IL13RA1: variants seen among roughly 807,000 people sequenced by gnomAD.
IL13RA1 encodes the protein interleukin 13 receptor subunit alpha 1.
Under a neutral mutation model 33.8 loss-of-function variants are expected in IL13RA1, and 14 were observed. The observed-to-expected ratio is 0.41, with a 90% CI of 0.27 to 0.65. The LOEUF is 0.65. IL13RA1 is among the 30% of genes least tolerant of loss of function. IL13RA1 has a pLI of 0.28. For synonymous variants in IL13RA1, 116 were observed against 115.7 expected (o/e 1.00, Z -0.02); for missense variants, 313 against 327.0 (o/e 0.96, Z 0.33).
At chrX:118,747,417 C>T (rs1470206085) in intron 3 of IL13RA1, among the ~76,000 whole-genome samples, 1 of 109,984 alleles carries the variant, frequency 9.1e-6, no homozygotes, top group Non-Finnish European at 1.9e-5. Context: ...GAGTCACAAG[C>T]TTATCTTGTG....
chrX:118,767,198 CT>C (rs1362728484), intron 8 of IL13RA1, among the ~76,000 whole-genome samples: 1 of 111,707 alleles, frequency 9.0e-6, no homozygotes, highest in African/African-American at 3.3e-5. Context: ...GTTTTATGTT[CT>C]TTTCTATCTC....
At chrX:118,749,912 T>A (rs1319717778) in intron 4 of IL13RA1, 134 bp downstream of exon 4, 3 of 437,448 alleles carry the variant, frequency 6.9e-6, no homozygotes, top group Non-Finnish European at 1.2e-5. Context: ...TTTGCTTCAA[T>A]GAAAAATGCA....
intron 10 of IL13RA1, among the ~76,000 whole-genome samples, chrX:118,788,003 G>A (rs913605642): frequency 4.5e-5 from 5 of 111,936 alleles, no homozygotes; most frequent in Non-Finnish European, 7.5e-5. Context: ...GTAAAGATAG[G>A]CATAGGAAGT....
intron 1 of IL13RA1, 100 bp from the exon 2 acceptor site, chrX:118,740,917 T>G: frequency 3.3e-6 from 2 of 604,129 alleles, no homozygotes; most frequent in Non-Finnish European, 5.6e-6. Flanking sequence ...TGTTGTTAAC[T>G]CAGTTATTAC....
At position 118,727,634 on chromosome X, in the gene IL13RA1, G is replaced by T. The variant is rs1279747605; in HGVS notation, c.-5G>T. The stretch of plus-strand genomic sequence containing the variant: ...GCCCGGCCGGGCTCCGAGGCGAGAG[G>T]CTGCATGGAGTGGCCGGCGCGGCTC... On this transcript the variant is annotated 5_prime_UTR_variant, in exon 1 of 11. Transcript: ENST00000371666. 34 of 921,305 alleles carry T rather than the reference G, an allele frequency of 3.7e-5. No homozygotes were observed. The highest frequency in any genetic ancestry group is 4.4e-5 in the Non-Finnish European group (33 of 742,088). 75.9% of individuals were successfully genotyped at this position (921,305 alleles called of 1,213,427 possible).
chrX:118,744,370 C>T (rs748064072), intron 2 of IL13RA1, among the ~76,000 whole-genome samples: 4 of 111,304 alleles, frequency 3.6e-5, no homozygotes, highest in East Asian at 2.8e-4. Context: ...GCATAAGGTT[C>T]GGATTTAGAT....
At chrX:118,796,897 A>G (rs2018035539), downstream of IL13RA1, among the ~76,000 whole-genome samples, 2 of 112,771 alleles carry the variant, frequency 1.8e-5, no homozygotes, top group African/African-American at 6.4e-5. Flanking sequence ...ACAATGTGTT[A>G]TGTAATAGGA....
At chrX:118,769,915 C>A (rs1447748176) in intron 8 of IL13RA1, 2 of 150,857 alleles carry the variant, frequency 1.3e-5, no homozygotes, top group Non-Finnish European at 2.6e-5. Flanking sequence ...AGCTCTTCTT[C>A]TACGTGGGCC....
At chrX:118,733,538 T>C (rs2017246536) in intron 1 of IL13RA1, among the ~76,000 whole-genome samples, 1 of 111,932 alleles carries the variant, frequency 8.9e-6, no homozygotes, top group Non-Finnish European at 1.9e-5. Flanking sequence ...TAATCCCTTA[T>C]CAGATATATG....
chrX:118,730,041 A>G (rs1426374332), intron 1 of IL13RA1, among the ~76,000 whole-genome samples: 1 of 112,671 alleles, frequency 8.9e-6, no homozygotes, highest in Non-Finnish European at 1.9e-5. Flanking sequence ...GCAGTGGCTC[A>G]TGCCTGTAAT....
chrX:118,790,134 A>G (rs2495635), intron 10 of IL13RA1, among the ~76,000 whole-genome samples: 32,364 of 110,841 alleles, frequency 0.29, 4,313 homozygotes, highest in African/African-American at 0.48. Context: ...GTTATCTTGT[A>G]GTCCTTTGCA....
intron 4 of IL13RA1, among the ~76,000 whole-genome samples, chrX:118,756,660 G>A (rs1318457801): frequency 9.0e-6 from 1 of 111,701 alleles, no homozygotes; most frequent in Non-Finnish European, 1.9e-5. Flanking sequence ...TGCAAAGGAA[G>A]AAAGAACAGA....
chrX:118,798,508 G>A (rs2018044320), downstream of IL13RA1, among the ~76,000 whole-genome samples: 1 of 111,280 alleles, frequency 9.0e-6, no homozygotes, highest in African/African-American at 3.3e-5. Flanking sequence ...ATTTTTGGGG[G>A]GAGACAGCCC....
chrX:118,785,530 G>C (rs1034061104), intron 10 of IL13RA1, among the ~76,000 whole-genome samples: 1 of 111,477 alleles, frequency 9.0e-6, no homozygotes, highest in Non-Finnish European at 1.9e-5. Flanking sequence ...GTTTCTTCTA[G>C]CTTAGTCTTC....
chrX:118,775,565 G>A (rs948737882), intron 9 of IL13RA1, among the ~76,000 whole-genome samples: 1 of 111,766 alleles, frequency 8.9e-6, no homozygotes, highest in African/African-American at 3.3e-5. Context: ...TAGCAATGGA[G>A]ATAGCAAGAA....
At position 118,784,090 on chromosome X, in the gene IL13RA1, A is replaced by ATATATATAT. The variant is rs1200223891; in HGVS notation, c.1191+7579_1191+7580insTATATATAT. Among the ~76,000 whole-genome samples, 25 of 63,951 alleles carry ATATATATAT rather than the reference A, an allele frequency of 3.9e-4. No individual in the cohort carries two copies. The East Asian group carries it at 0.012, about 31-fold the overall frequency. 55.5% of individuals were successfully genotyped at this position (63,951 alleles called of 115,157 possible). On this transcript the variant is annotated intron_variant, in intron 10 of 10. Transcript: ENST00000371666. The stretch of plus-strand genomic sequence containing the variant: ...AGACTCTGTCGCCAAAAAAAAAAAA[A>ATATATATAT]ATATATATATATATATATACGTATA...
At chrX:118,735,823 G>A (rs1262204369) in intron 1 of IL13RA1, among the ~76,000 whole-genome samples, 1 of 111,770 alleles carries the variant, frequency 8.9e-6, no homozygotes, top group Non-Finnish European at 1.9e-5. Context: ...GCTGGGATGA[G>A]CCACCACACC....
chrX:118,775,018 TAC>T (rs910442915), intron 9 of IL13RA1, among the ~76,000 whole-genome samples: 3 of 110,053 alleles, frequency 2.7e-5, no homozygotes, highest in Admixed American at 9.7e-5. Context: ...CACATGCACA[TAC>T]ACACACACAC....
At chrX:118,730,680 G>A (rs2017206953) in intron 1 of IL13RA1, among the ~76,000 whole-genome samples, 1 of 111,658 alleles carries the variant, frequency 9.0e-6, no homozygotes, top group Admixed American at 9.5e-5. Flanking sequence ...AAGCAAGCAG[G>A]GAGACTTCAC....
Sources: gnomAD v4.1 joint callset for allele counts (sites outside exome capture counted in the v4.1 genomes callset) on GRCh38, gnomAD v4.1.1 for gene constraint, MANE v1.5 for transcripts, NCBI Gene and HGNC (gene_info 2026-07-23, HGNC 2026-07-21) for gene names.